Variants in KPNA7 observed in about 807,000 individuals in gnomAD.
The protein encoded by KPNA7 is importin subunit alpha-8.
Under a neutral mutation model 53.7 loss-of-function variants are expected in KPNA7, and 54 were observed. The ratio of observed to expected loss-of-function variants is 1.01; its 90% CI spans 0.81 to 1.26. The LOEUF (loss-of-function observed/expected upper bound fraction) is 1.26, where lower values mean the gene tolerates loss of function less well. KPNA7 is among the 50% of genes most tolerant of loss of function. The probability of loss-of-function intolerance (pLI) is 0.00; values close to 1 mark genes in which losing one functional copy is unlikely to be tolerated. For synonymous variants in KPNA7, 276 were observed against 259.3 expected (o/e 1.06, Z -0.62); for missense variants, 640 against 644.5 (o/e 0.99, Z 0.07).
chr7:99,186,664 AC>A (rs1789609965), intron 7 of KPNA7, among the ~76,000 whole-genome samples: 1 of 151,636 alleles, frequency 6.6e-6, no homozygotes, highest in South Asian at 2.1e-4. Context: ...AATTTCTTGA[AC>A]CCAGGAGACA....
At chr7:99,153,517 T>G in the KPNA7 span, among the ~76,000 whole-genome samples, 1 of 146,016 alleles carries the variant, frequency 6.8e-6, no homozygotes. Context: ...ACCATTGCAC[T>G]CCAGCCCAGG....
chr7:99,217,596 C>T (rs1791245966), intron 1 of KPNA7, among the ~76,000 whole-genome samples: 1 of 141,758 alleles, frequency 7.1e-6, no homozygotes, highest in Non-Finnish European at 1.5e-5. Context: ...AGAAAAGGCC[C>T]AGGAACGGGG....
chr7:99,211,865 G>T (rs1791079706), upstream of KPNA7, among the ~76,000 whole-genome samples: 1 of 152,236 alleles, frequency 6.6e-6, no homozygotes, highest in South Asian at 2.1e-4. Flanking sequence ...TTAGTTCCTG[G>T]AATTGACCAA....
intron 1 of KPNA7, among the ~76,000 whole-genome samples, chr7:99,217,937 C>T (rs1034046414): frequency 6.6e-6 from 1 of 152,070 alleles, no homozygotes; most frequent in Non-Finnish European, 1.5e-5. Context: ...GGCCCCACCT[C>T]GCCACTCTTT....
At chr7:99,207,330 G>C (rs1790864291) in intron 2 of KPNA7, 71 bp downstream of exon 2, 1 of 1,341,742 alleles carries the variant, frequency 7.5e-7, no homozygotes, top group Non-Finnish European at 1.0e-6. Flanking sequence ...ACCGCGCCTG[G>C]TCTCTTCACC....
Position 99,173,582 on chromosome 7 carries a change from G to A in KPNA7, c.*126C>T, listed in dbSNP as rs747908012. On this transcript the variant is annotated 3_prime_UTR_variant, in exon 11 of 11. Coordinates refer to ENST00000327442, the MANE Select transcript of KPNA7 (RefSeq NM_001145715.3). ...TCAGATAGAGAAACGTGAAAGTGTT[G>A]AACATTTTATTAATGTCAAGTTTTA... The A allele has an allele frequency of 1.7e-6, 1 of 599,970 alleles. No homozygotes were observed. The allele number at this position is 599,970 out of a possible 1,614,324, so 37.2% of individuals were successfully genotyped here.
chr7:99,200,692 A>G (rs1242003403), intron 3 of KPNA7, among the ~76,000 whole-genome samples: 1 of 152,080 alleles, frequency 6.6e-6, no homozygotes, highest in Non-Finnish European at 1.5e-5. Context: ...ATAAATAAAC[A>G]AGGCCAGACA....
chr7:99,216,568 CT>C (rs386410805), intron 1 of KPNA7, among the ~76,000 whole-genome samples: 223 of 24,938 alleles, frequency 8.9e-3, no homozygotes, highest in African/African-American at 0.025. Flanking sequence ...CCAACACCCT[CT>C]TTTTTTTTGT....
intron 10 of KPNA7, among the ~76,000 whole-genome samples, chr7:99,177,548 C>T (rs1798949744): frequency 1.5e-5 from 2 of 135,542 alleles, no homozygotes; most frequent in Non-Finnish European, 1.5e-5. Context: ...GTCCTCCAGC[C>T]TGGGCAACAG....
chr7:99,187,845 A>C, intron 7 of KPNA7, among the ~76,000 whole-genome samples: 1 of 140,958 alleles, frequency 7.1e-6, no homozygotes, highest in Non-Finnish European at 1.5e-5. Context: ...ACCCACTAGG[A>C]TTTGACATCA....
chr7:99,178,138 C>T, intron 9 of KPNA7, 72 bp from the exon 10 acceptor site: 2 of 1,398,058 alleles, frequency 1.4e-6, no homozygotes, highest in Non-Finnish European at 2.0e-6. Flanking sequence ...TGTCAGCCCT[C>T]AAGGGAGCTG....
intron 6 of KPNA7, among the ~76,000 whole-genome samples, chr7:99,191,892 C>T (rs1789975003): frequency 6.6e-6 from 1 of 152,158 alleles, no homozygotes; most frequent in Admixed American, 6.5e-5. Flanking sequence ...TCAGGTGATC[C>T]ACCCGCCTCA....
downstream of KPNA7, among the ~76,000 whole-genome samples, chr7:99,169,915 C>T (rs1584251155): frequency 6.6e-6 from 1 of 152,080 alleles, no homozygotes; most frequent in Non-Finnish European, 1.5e-5. Flanking sequence ...GTGGCTTGTA[C>T]CTGTAATCCC....
At chr7:99,168,794 G>A (rs997333421), downstream of KPNA7, among the ~76,000 whole-genome samples, 21 of 152,266 alleles carry the variant, frequency 1.4e-4, no homozygotes, top group Middle Eastern at 3.4e-3. Flanking sequence ...CACTACACCC[G>A]GCTGTGTTTC....
At chr7:99,204,597 C>T (rs561995264) in intron 2 of KPNA7, among the ~76,000 whole-genome samples, 4 of 152,204 alleles carry the variant, frequency 2.6e-5, no homozygotes, top group South Asian at 2.1e-4. Flanking sequence ...GGTCATCAGC[C>T]GGGCACCGTG....
chr7:99,184,805 G>A (rs1789489994), intron 8 of KPNA7, 124 bp downstream of exon 8: 1 of 786,442 alleles, frequency 1.3e-6, no homozygotes, highest in Non-Finnish European at 2.1e-6. Flanking sequence ...CTAGGACTCT[G>A]AGGTTTCAGA....
At chr7:99,203,568 G>A (rs1303781587) in intron 2 of KPNA7, among the ~76,000 whole-genome samples, 3 of 152,058 alleles carry the variant, frequency 2.0e-5, no homozygotes, top group African/African-American at 4.8e-5. Context: ...TGATGCTGAT[G>A]ATTTCCTGAA....
the KPNA7 span, among the ~76,000 whole-genome samples, chr7:99,163,352 A>AGTGT: frequency 2.7e-3 from 276 of 101,148 alleles, 3 homozygotes; most frequent in African/African-American, 8.8e-3. Context: ...TATAAATATG[A>AGTGT]GTGTGTGTAT....
At chr7:99,201,166 A>G (rs924758334) in intron 3 of KPNA7, among the ~76,000 whole-genome samples, 3 of 152,172 alleles carry the variant, frequency 2.0e-5, no homozygotes, top group Non-Finnish European at 2.9e-5. Flanking sequence ...AGAGGCAGAA[A>G]GTAGACTAGT....
Sources: gnomAD v4.1 joint callset for allele counts (sites outside exome capture counted in the v4.1 genomes callset) on GRCh38, gnomAD v4.1.1 for gene constraint, MANE v1.5 for transcripts, NCBI Gene and HGNC (gene_info 2026-07-23, HGNC 2026-07-21) for gene names.